Variants in ZBTB20 observed in about 807,000 individuals in gnomAD.
ZBTB20 encodes the protein zinc finger and BTB domain-containing protein 20.
A neutral mutation model predicts 56.9 loss-of-function variants in ZBTB20; 9 were observed. The ratio of observed to expected loss-of-function variants is 0.16; its 90% CI spans 0.10 to 0.28. ZBTB20 has a LOEUF of 0.28. Among genes scored for constraint, ZBTB20 ranks in the 10% least tolerant of loss-of-function variants. The probability of loss-of-function intolerance (pLI) is 1.00; values close to 1 mark genes in which losing one functional copy is unlikely to be tolerated. For missense variants in ZBTB20, 655 were observed against 1,003.0 expected (o/e 0.65, Z 4.69); for synonymous variants, 417 against 420.7 (o/e 0.99, Z 0.11).
At chr3:114,668,854 C>T (rs1021969994) in intron 6 of ZBTB20, among the ~76,000 whole-genome samples, 1 of 151,986 alleles carries the variant, frequency 6.6e-6, no homozygotes, top group Non-Finnish European at 1.5e-5. Flanking sequence ...TGAGGTCTGC[C>T]TATGTGATTC....
At chr3:114,981,397 G>A (rs1174474264) in intron 2 of ZBTB20, among the ~76,000 whole-genome samples, 1 of 152,032 alleles carries the variant, frequency 6.6e-6, no homozygotes, top group Non-Finnish European at 1.5e-5. Context: ...TTCCTTTAAG[G>A]ACAATTGCAT....
intron 5 of ZBTB20, among the ~76,000 whole-genome samples, chr3:114,761,153 A>G (rs760344452): frequency 3.1e-4 from 47 of 152,300 alleles, no homozygotes; most frequent in Middle Eastern, 3.4e-3. Flanking sequence ...CTAGCCATTT[A>G]AAGAATTTAC....
intron 5 of ZBTB20, among the ~76,000 whole-genome samples, chr3:114,794,243 T>C (rs1308772087): frequency 6.6e-6 from 1 of 152,090 alleles, no homozygotes; most frequent in Non-Finnish European, 1.5e-5. Flanking sequence ...TTATACAGTA[T>C]CTGGTATATT....
chr3:114,997,896 G>T (rs554061959), intron 2 of ZBTB20, among the ~76,000 whole-genome samples: 1 of 147,594 alleles, frequency 6.8e-6, no homozygotes, highest in African/African-American at 2.7e-5. Context: ...AATGTAGTCT[G>T]CTGGGGAGAA....
At chr3:115,138,107 G>A (rs1333585187) in intron 1 of ZBTB20, among the ~76,000 whole-genome samples, 7 of 152,064 alleles carry the variant, frequency 4.6e-5, no homozygotes, top group African/African-American at 1.4e-4. Context: ...TGAATATACT[G>A]TTTCTAGTCT....
At chr3:114,446,949 C>T (rs2091310154) in intron 7 of ZBTB20, among the ~76,000 whole-genome samples, 1 of 152,166 alleles carries the variant, frequency 6.6e-6, no homozygotes, top group Non-Finnish European at 1.5e-5. Context: ...AGACATTCCA[C>T]TAAGGAAGAT....
chr3:114,382,852 C>T (rs1372303058), intron 8 of ZBTB20, among the ~76,000 whole-genome samples: 1 of 152,188 alleles, frequency 6.6e-6, no homozygotes, highest in Non-Finnish European at 1.5e-5. Flanking sequence ...CATTCATTTA[C>T]ATATTCATTT....
intron 1 of ZBTB20, among the ~76,000 whole-genome samples, chr3:115,099,744 T>C (rs1245950719): frequency 9.2e-5 from 14 of 152,036 alleles, no homozygotes; most frequent in Non-Finnish European, 1.5e-5. Context: ...CTAAAACTCA[T>C]TGGCAAATAA....
At chr3:114,406,281 T>C (rs1329564736) in intron 7 of ZBTB20, among the ~76,000 whole-genome samples, 1 of 152,168 alleles carries the variant, frequency 6.6e-6, no homozygotes, top group Admixed American at 6.5e-5. Flanking sequence ...CCTAATTCTT[T>C]ATCATTTGAA....
chr3:115,104,453 T>C (rs2083666710), intron 1 of ZBTB20, among the ~76,000 whole-genome samples: 1 of 152,196 alleles, frequency 6.6e-6, no homozygotes, highest in Admixed American at 6.5e-5. Context: ...ATATGCCCAT[T>C]AGTAGATGAA....
At chr3:114,901,073 A>G (rs531369450) in intron 3 of ZBTB20, among the ~76,000 whole-genome samples, 41 of 152,238 alleles carry the variant, frequency 2.7e-4, no homozygotes, top group African/African-American at 8.9e-4. Flanking sequence ...ACTGTATTGC[A>G]ACATACAGCC....
At chr3:115,072,844 A>G (rs1458519872) in intron 1 of ZBTB20, among the ~76,000 whole-genome samples, 1 of 152,192 alleles carries the variant, frequency 6.6e-6, no homozygotes, top group Non-Finnish European at 1.5e-5. Flanking sequence ...TACCAATTAC[A>G]TCAATGACTC....
intron 6 of ZBTB20, among the ~76,000 whole-genome samples, chr3:114,557,863 ACATGG>A (rs2051455340): frequency 6.6e-6 from 1 of 152,044 alleles, no homozygotes; most frequent in Non-Finnish European, 1.5e-5. Context: ...TTATTTTTAC[ACATGG>A]CATTATTCCT....
At chr3:114,650,342 T>G (rs1433266694) in intron 6 of ZBTB20, among the ~76,000 whole-genome samples, 1 of 151,560 alleles carries the variant, frequency 6.6e-6, no homozygotes, top group East Asian at 1.9e-4. Flanking sequence ...CCAGGAAGAG[T>G]TCTAAGAATA....
intron 4 of ZBTB20, among the ~76,000 whole-genome samples, chr3:114,825,782 G>C (rs2108935977): frequency 6.6e-6 from 1 of 151,868 alleles, no homozygotes; most frequent in Admixed American, 6.6e-5. Context: ...TGTTTCTCCA[G>C]AGTCAATTAT....
chr3:114,798,857 G>C (rs1413395969), intron 5 of ZBTB20, among the ~76,000 whole-genome samples: 1 of 151,770 alleles, frequency 6.6e-6, no homozygotes, highest in Non-Finnish European at 1.5e-5. Context: ...TATTGCCTCA[G>C]AGGTCAAGTT....
At chr3:114,859,063 A>C (rs746731090) in intron 4 of ZBTB20, among the ~76,000 whole-genome samples, 1 of 152,182 alleles carries the variant, frequency 6.6e-6, no homozygotes, top group Non-Finnish European at 1.5e-5. Flanking sequence ...TCAACTTTCA[A>C]GGTTGTATGA....
chr3:114,767,694 T>C (rs1194337378), intron 5 of ZBTB20, among the ~76,000 whole-genome samples: 3 of 152,012 alleles, frequency 2.0e-5, no homozygotes, highest in Admixed American at 2.0e-4. Flanking sequence ...TTTCTCATCC[T>C]TTCCCCACTG....
At chr3:114,854,042 G>A (rs2075129185) in intron 4 of ZBTB20, among the ~76,000 whole-genome samples, 1 of 152,094 alleles carries the variant, frequency 6.6e-6, no homozygotes, top group African/African-American at 2.4e-5. Context: ...ACTTGATATG[G>A]TAGAAATGTA....
Sources: gnomAD v4.1 joint callset for allele counts (sites outside exome capture counted in the v4.1 genomes callset) on GRCh38, gnomAD v4.1.1 for gene constraint, MANE v1.5 for transcripts, NCBI Gene and HGNC (gene_info 2026-07-23, HGNC 2026-07-21) for gene names.